The following SLC25A13 variants were observed in gnomAD, a reference collection of about 807,000 sequenced individuals.
SLC25A13 encodes the protein solute carrier family 25 member 13.
Under a neutral mutation model 85.5 loss-of-function variants are expected in SLC25A13, and 70 were observed. The ratio of observed to expected loss-of-function variants is 0.82; its 90% CI spans 0.68 to 1.00. The LOEUF (loss-of-function observed/expected upper bound fraction) is 1.00, where lower values mean the gene tolerates loss of function less well. Ranked by LOEUF, SLC25A13 falls within the 50% of genes least tolerant of loss-of-function variation. The probability of loss-of-function intolerance (pLI) is 0.00; values close to 1 mark genes in which losing one functional copy is unlikely to be tolerated. For synonymous variants in SLC25A13, 259 were observed against 288.7 expected, an observed-to-expected ratio of 0.90 and a Z score of 1.04; for missense variants, 765 against 819.8, an observed-to-expected ratio of 0.93 and a Z score of 0.82.
At chr7:96,282,135 T>C (rs1420243803) in intron 2 of SLC25A13, among the ~76,000 whole-genome samples, 5 of 152,190 alleles carry the variant, frequency 3.3e-5, no homozygotes, top group Non-Finnish European at 5.9e-5. Flanking sequence ...TGATTAAACA[T>C]ACACCTGCAA....
chr7:96,276,008 A>G (rs1404973769), intron 3 of SLC25A13, among the ~76,000 whole-genome samples: 1 of 152,206 alleles, frequency 6.6e-6, no homozygotes, highest in Non-Finnish European at 1.5e-5. Context: ...ATGTGGGAAA[A>G]TCAGACACAT....
chr7:96,263,644 G>A (rs1011382215), intron 3 of SLC25A13, among the ~76,000 whole-genome samples: 1 of 151,892 alleles, frequency 6.6e-6, no homozygotes, highest in East Asian at 1.9e-4. Flanking sequence ...CTCTCACCCC[G>A]TATTTTAGCT....
intron 13 of SLC25A13, among the ~76,000 whole-genome samples, chr7:96,151,307 G>A (rs1057444449): frequency 6.6e-6 from 1 of 152,114 alleles, no homozygotes; most frequent in African/African-American, 2.4e-5. Flanking sequence ...AGTTCTATAA[G>A]AATTCTTGGG....
intron 14 of SLC25A13, among the ~76,000 whole-genome samples, chr7:96,141,930 C>A (rs1036247534): frequency 6.6e-6 from 1 of 152,296 alleles, no homozygotes; most frequent in East Asian, 1.9e-4. Flanking sequence ...TCAAAATATA[C>A]ATAGGGATGA....
intron 4 of SLC25A13, among the ~76,000 whole-genome samples, chr7:96,229,364 C>G (rs142314775): frequency 0.011 from 1,710 of 152,220 alleles, 34 homozygotes; most frequent in African/African-American, 0.04. Context: ...AGCACTCTGT[C>G]AAAATGGACC....
chr7:96,162,754 A>C (rs149056844), intron 13 of SLC25A13, among the ~76,000 whole-genome samples: 1 of 152,324 alleles, frequency 6.6e-6, no homozygotes, highest in African/African-American at 2.4e-5. Context: ...TAGTCAAAAG[A>C]TGTGCAGAGG....
chr7:96,185,809 A>C (rs368486784), intron 9 of SLC25A13, among the ~76,000 whole-genome samples: 84 of 151,934 alleles, frequency 5.5e-4, no homozygotes, highest in African/African-American at 1.7e-3. Flanking sequence ...CTGAGGCAGG[A>C]GAATGGCGTG....
At chr7:96,210,271 T>C (rs1795639376) in intron 4 of SLC25A13, among the ~76,000 whole-genome samples, 2 of 152,136 alleles carry the variant, frequency 1.3e-5, no homozygotes, top group South Asian at 4.1e-4. Context: ...ATGAGGACAA[T>C]AAAAGTTTTA....
intron 1 of SLC25A13, among the ~76,000 whole-genome samples, chr7:96,298,857 G>C (rs983116150): frequency 2.0e-5 from 3 of 152,144 alleles, no homozygotes; most frequent in African/African-American, 2.4e-5. Context: ...AAGCTTCAGA[G>C]AGGACTCCCT....
chr7:96,162,650 T>C (rs911597146), intron 13 of SLC25A13, among the ~76,000 whole-genome samples: 2 of 152,114 alleles, frequency 1.3e-5, no homozygotes, highest in African/African-American at 4.8e-5. Context: ...TCTCCTACTG[T>C]AGAGAAAGGC....
At chr7:96,304,803 G>A (rs76151951) in intron 1 of SLC25A13, among the ~76,000 whole-genome samples, 1,972 of 152,288 alleles carry the variant, frequency 0.013, 45 homozygotes, top group African/African-American at 0.045. Flanking sequence ...GCCAGGCACC[G>A]AGGAGAAAAC....
In SLC25A13 at chr7:96,308,137, G is replaced by A. The variant is rs191362164; in HGVS notation, c.16-11186C>T. ...CACTGCACTCTAGCCTGGGCAACAAGAGCGAAACTCCATCTCCAAAAAAAA... is the reference window on the plus strand; with the variant it reads ...CACTGCACTCTAGCCTGGGCAACAAAAGCGAAACTCCATCTCCAAAAAAAA... On this transcript the variant is annotated intron_variant, in intron 1 of 17. Transcript: ENST00000265631. Among the ~76,000 whole-genome samples, 82 of 139,734 alleles carry A rather than the reference G, an allele frequency of 5.9e-4. 1 individual carries two copies. The highest frequency in any genetic ancestry group is 2.0e-3 in the African/African-American group (73 of 36,702). 91.7% of individuals were successfully genotyped at this position (139,734 alleles called of 152,430 possible).
At chr7:96,292,358 GA>G (rs1799159722) in intron 2 of SLC25A13, among the ~76,000 whole-genome samples, 1 of 152,168 alleles carries the variant, frequency 6.6e-6, no homozygotes, top group East Asian at 1.9e-4. Context: ...CATTCCCTTT[GA>G]AAACTGGCAC....
rs1422097782 is a variant in SLC25A13 at position 96,261,049 on chromosome 7, T to C, written c.212+16147A>G. 2.0e-5 allele frequency among the ~76,000 whole-genome samples: 3 copies of C among 152,120 alleles called. No individual in the cohort carries two copies. In the East Asian group the frequency reaches 5.8e-4, roughly 29 times the overall value. On this transcript the variant is annotated intron_variant, in intron 3 of 17. Transcript: ENST00000265631. ...TGGTCTCTTTGCTGCTTCTCAAACA[T>C]GCCAAGCACCCTCCCCTCTCAGGCT...
chr7:96,213,243 G>C (rs752194650), intron 4 of SLC25A13, among the ~76,000 whole-genome samples: 8 of 152,080 alleles, frequency 5.3e-5, no homozygotes, highest in African/African-American at 1.7e-4. Flanking sequence ...TGGGTTCCTT[G>C]CATTTCTCCC....
chr7:96,162,098 T>C (rs188508849), intron 13 of SLC25A13, among the ~76,000 whole-genome samples: 27 of 152,278 alleles, frequency 1.8e-4, no homozygotes, highest in Admixed American at 1.6e-3. Context: ...CATAGTGAAA[T>C]AAAAATTCTA....
intron 3 of SLC25A13, among the ~76,000 whole-genome samples, chr7:96,259,865 T>C (rs1797780035): frequency 6.6e-6 from 1 of 152,098 alleles, no homozygotes; most frequent in Non-Finnish European, 1.5e-5. Flanking sequence ...CATAGAATAC[T>C]ATGCAGCCAC....
intron 13 of SLC25A13, among the ~76,000 whole-genome samples, chr7:96,166,388 C>T (rs1284874273): frequency 2.0e-5 from 3 of 152,180 alleles, no homozygotes; most frequent in African/African-American, 7.2e-5. Flanking sequence ...CTTTATAAGA[C>T]AGATGTTCAT....
chr7:96,127,137 C>A (rs972493956), intron 15 of SLC25A13, among the ~76,000 whole-genome samples: 1 of 152,180 alleles, frequency 6.6e-6, no homozygotes, highest in African/African-American at 2.4e-5. Flanking sequence ...TGATAAAAAT[C>A]ATCTGGTATG....
Sources: allele counts gnomAD v4.1 joint callset (sites outside exome capture counted in the v4.1 genomes callset), GRCh38; gene constraint gnomAD v4.1.1; transcripts MANE v1.5; gene names NCBI Gene and HGNC (gene_info 2026-07-23, HGNC 2026-07-21).